The following ERBB4 variants were observed in gnomAD, a reference collection of about 807,000 sequenced individuals.
The protein encoded by ERBB4 is erb-b2 receptor tyrosine kinase 4.
Under a neutral mutation model 158.0 loss-of-function variants are expected in ERBB4, and 42 were observed. That is an observed-to-expected ratio of 0.27 (90% confidence interval 0.21 to 0.34). The LOEUF (loss-of-function observed/expected upper bound fraction) is 0.34. Ranked by LOEUF, ERBB4 falls within the 10% of genes least tolerant of loss-of-function variation. The pLI is 1.00. For synonymous variants in ERBB4, 583 were observed against 558.7 expected (o/e 1.04, Z -0.61); for missense variants, 1,333 against 1,624.1 (o/e 0.82, Z 3.08).
In ERBB4 at chr2:211,380,612, A is replaced by G. The variant is rs1252899671; in HGVS notation, c.*3003T>C. 1 of 231,806 alleles carries G rather than the reference A, an allele frequency of 4.3e-6. No individual in the cohort carries two copies. Among genetic ancestry groups the G allele is most frequent in the Non-Finnish European group, 8.5e-6 (1 of 117,246 alleles). The allele number at this position is 231,806 out of a possible 1,614,324, so 14.4% of individuals were successfully genotyped here. On this transcript the variant is annotated 3_prime_UTR_variant, in exon 28 of 28. Coordinates refer to ENST00000342788, the MANE Select transcript of ERBB4 (RefSeq NM_005235.3). ...GAAACTTTTTTTCTCCCTCTTATAC[A>G]TGCTGAAATATGTTTTCCCAGGGGG...
intron 25 of ERBB4, among the ~76,000 whole-genome samples, chr2:211,398,870 C>T (rs1380548145): frequency 1.3e-5 from 2 of 152,082 alleles, no homozygotes; most frequent in Non-Finnish European, 2.9e-5. Context: ...CTACTGTTGC[C>T]CTCAGGCTAA....
At chr2:212,447,412 AAACTAATGAG>A (rs1236974302) in intron 1 of ERBB4, among the ~76,000 whole-genome samples, 8 of 152,208 alleles carry the variant, frequency 5.3e-5, no homozygotes, top group Admixed American at 1.3e-4. Flanking sequence ...GTGACTTATT[AAACTAATGAG>A]AACTAATAAT....
intron 25 of ERBB4, among the ~76,000 whole-genome samples, chr2:211,410,256 A>G (rs1298284629): frequency 6.6e-6 from 1 of 152,218 alleles, no homozygotes; most frequent in East Asian, 1.9e-4. Context: ...CACATTGCCA[A>G]TCTCTCCTCT....
intron 20 of ERBB4, among the ~76,000 whole-genome samples, chr2:211,512,716 C>T (rs1205804507): frequency 6.6e-6 from 1 of 152,080 alleles, no homozygotes; most frequent in African/African-American, 2.4e-5. Flanking sequence ...AAGTACAATT[C>T]TTTAAAAGGG....
At chr2:212,190,388 T>G (rs565725532) in intron 1 of ERBB4, among the ~76,000 whole-genome samples, 1 of 151,944 alleles carries the variant, frequency 6.6e-6, no homozygotes, top group East Asian at 1.9e-4. Flanking sequence ...TACAAAAAAA[T>G]TAGCCGGGCG....
chr2:212,210,911 C>T (rs1161253188), intron 1 of ERBB4, among the ~76,000 whole-genome samples: 1 of 152,088 alleles, frequency 6.6e-6, no homozygotes, highest in Non-Finnish European at 1.5e-5. Context: ...AACATTCTCA[C>T]TTGGCATCTC....
rs544556808 is a variant in ERBB4 at position 212,197,953 on chromosome 2, C to T, written c.83-73050G>A. Reference sequence around the variant, plus strand: ...TTAATTTCATGTAGTTAAGACAGATCCCCTCAAGAACCAAACTATGAGGCT... The same window carrying T: ...TTAATTTCATGTAGTTAAGACAGATTCCCTCAAGAACCAAACTATGAGGCT... On this transcript the variant is annotated intron_variant, in intron 1 of 27. Transcript: ENST00000342788. Among the ~76,000 whole-genome samples, 3 of 152,216 alleles carry T rather than the reference C, an allele frequency of 2.0e-5. No individual in the cohort carries two copies. In the South Asian group the frequency reaches 6.2e-4, roughly 32 times the overall value.
At chr2:212,397,446 T>C (rs1397226214) in intron 1 of ERBB4, among the ~76,000 whole-genome samples, 3 of 141,306 alleles carry the variant, frequency 2.1e-5, no homozygotes. Context: ...GCACTCAGCC[T>C]GGGTGACAGA....
At chr2:211,878,659 T>TTTTTG (rs752060009) in intron 3 of ERBB4, among the ~76,000 whole-genome samples, 1,752 of 148,036 alleles carry the variant, frequency 0.012, 47 homozygotes, top group African/African-American at 0.041. Context: ...TAAGTTTTGT[T>TTTTTG]TTTTTTTTTT....
At chr2:212,501,886 A>C (rs1690912043) in intron 1 of ERBB4, among the ~76,000 whole-genome samples, 1 of 152,126 alleles carries the variant, frequency 6.6e-6, no homozygotes, top group South Asian at 2.1e-4. Context: ...AAATGATCAA[A>C]ATTTATACAT....
intron 1 of ERBB4, among the ~76,000 whole-genome samples, chr2:212,200,656 T>C (rs1290993905): frequency 1.3e-5 from 2 of 152,182 alleles, no homozygotes; most frequent in Non-Finnish European, 2.9e-5. Flanking sequence ...AACTTTGCAA[T>C]ACTTGTTAGT....
intron 1 of ERBB4, among the ~76,000 whole-genome samples, chr2:212,153,917 A>T (rs2080951147): frequency 6.6e-6 from 1 of 151,954 alleles, no homozygotes; most frequent in Admixed American, 6.6e-5. Flanking sequence ...AACTGTAACT[A>T]TTAACCTCAT....
intron 1 of ERBB4, among the ~76,000 whole-genome samples, chr2:212,354,575 C>T (rs2089392363): frequency 6.6e-6 from 1 of 152,100 alleles, no homozygotes; most frequent in Non-Finnish European, 1.5e-5. Context: ...GTATCTCATT[C>T]TTACACCAGC....
At chr2:211,540,172 C>T (rs1200264868) in intron 20 of ERBB4, among the ~76,000 whole-genome samples, 1 of 142,230 alleles carries the variant, frequency 7.0e-6, no homozygotes, top group Non-Finnish European at 1.5e-5. Flanking sequence ...TTAATATTGT[C>T]CCTGACCTAC....
chr2:211,687,479 G>A lies in ERBB4; in HGVS notation c.1490-8295C>T, dbSNP rs181643739. The stretch of plus-strand genomic sequence containing the variant: ...AGAAGTCTACACTCTCCTCTCTTTT[G>A]CGAGCTTGACTGAAGTTTGTTTGTT... On this transcript the variant is annotated intron_variant, in intron 12 of 27. Coordinates refer to ENST00000342788, the MANE Select transcript of ERBB4 (RefSeq NM_005235.3). 1.6e-3 allele frequency among the ~76,000 whole-genome samples: 242 copies of A among 150,044 alleles called. 6 individuals carry two copies. Among genetic ancestry groups the A allele is most frequent in the Non-Finnish European group, 4.7e-4 (32 of 67,446 alleles).
At chr2:212,233,965 TA>T (rs869064544) in intron 1 of ERBB4, among the ~76,000 whole-genome samples, 27 of 27,902 alleles carry the variant, frequency 9.7e-4, no homozygotes, top group African/African-American at 1.6e-3. Flanking sequence ...TTGCATTATT[TA>T]TTATTATTAT....
intron 1 of ERBB4, among the ~76,000 whole-genome samples, chr2:212,367,573 A>G (rs948868808): frequency 2.0e-5 from 3 of 152,122 alleles, no homozygotes; most frequent in African/African-American, 7.2e-5. Context: ...CAATGAAAAC[A>G]AAGATAAATA....
At chr2:211,722,576 A>C (rs1418262276) in intron 6 of ERBB4, 42 bp from the exon 7 acceptor site, 1 of 1,601,712 alleles carries the variant, frequency 6.2e-7, no homozygotes, top group Non-Finnish European at 8.6e-7. Context: ...AAATAAACTC[A>C]TAATACTTGT....
chr2:212,059,212 C>T (rs371424975), intron 2 of ERBB4, among the ~76,000 whole-genome samples: 9 of 151,970 alleles, frequency 5.9e-5, no homozygotes, highest in Non-Finnish European at 8.8e-5. Flanking sequence ...GAGAATAAAA[C>T]ACCTAGGAAT....
Sources: gnomAD v4.1 joint callset for allele counts (sites outside exome capture counted in the v4.1 genomes callset) on GRCh38, gnomAD v4.1.1 for gene constraint, MANE v1.5 for transcripts, NCBI Gene and HGNC (gene_info 2026-07-23, HGNC 2026-07-21) for gene names.